Variants in UPP2 observed in about 807,000 individuals in gnomAD.
UPP2 encodes the protein UPase 2.
Under a neutral mutation model 26.7 loss-of-function variants are expected in UPP2, and 23 were observed. The ratio of observed to expected loss-of-function variants is 0.86; its 90% confidence interval spans 0.62 to 1.22. The LOEUF is 1.22. Among genes scored for constraint, UPP2 ranks in the 50% most tolerant of loss-of-function variants. The pLI, the probability that UPP2 is intolerant of heterozygous loss-of-function variation, is 0.00. For synonymous variants in UPP2, 127 were observed against 141.3 expected (o/e 0.90, Z 0.72); for missense variants, 387 against 396.7 (o/e 0.98, Z 0.21).
At chr2:158,118,974 G>A (rs920836527) in intron 4 of UPP2, among the ~76,000 whole-genome samples, 1 of 151,982 alleles carries the variant, frequency 6.6e-6, no homozygotes, top group South Asian at 2.1e-4. Context: ...GACCTTTGTG[G>A]ATGTTCATCC....
intron 3 of UPP2, among the ~76,000 whole-genome samples, chr2:158,073,549 A>T (rs1167988381): frequency 6.6e-6 from 1 of 152,182 alleles, no homozygotes; most frequent in Non-Finnish European, 1.5e-5. Context: ...TTAATAATCA[A>T]ACTCCCAAAG....
intron 3 of UPP2, among the ~76,000 whole-genome samples, chr2:158,079,204 T>C (rs1682679655): frequency 6.6e-6 from 1 of 152,120 alleles, no homozygotes; most frequent in Non-Finnish European, 1.5e-5. Context: ...CCCAGTCTCA[T>C]GTATTTCTTC....
chr2:158,003,305 T>C (rs1480191345), intron 2 of UPP2, among the ~76,000 whole-genome samples: 1 of 152,150 alleles, frequency 6.6e-6, no homozygotes, highest in Non-Finnish European at 1.5e-5. Flanking sequence ...GGAACATTCC[T>C]GCCAGGGATA....
chr2:158,132,076 C>A (rs1367992197), intron 6 of UPP2, among the ~76,000 whole-genome samples: 13 of 152,214 alleles, frequency 8.5e-5, no homozygotes, highest in Admixed American at 8.5e-4. Context: ...CCATGTCAGG[C>A]TTCACAGATT....
chr2:158,121,909 A>T (rs917489950), intron 5 of UPP2, among the ~76,000 whole-genome samples: 2 of 151,996 alleles, frequency 1.3e-5, no homozygotes, highest in African/African-American at 4.8e-5. Context: ...TTTAACTTAA[A>T]TTAGCAGCTC....
chr2:158,088,246 A>T (rs1026190689), intron 3 of UPP2, among the ~76,000 whole-genome samples: 1 of 152,090 alleles, frequency 6.6e-6, no homozygotes, highest in Non-Finnish European at 1.5e-5. Context: ...CGAGCTCTGA[A>T]GTTCTTTATT....
intron 3 of UPP2, among the ~76,000 whole-genome samples, chr2:158,093,030 C>T (rs557262948): frequency 2.0e-3 from 304 of 152,156 alleles, no homozygotes; most frequent in African/African-American, 6.2e-3. Flanking sequence ...AAGTGATTCT[C>T]GTGCCTCAGC....
intron 3 of UPP2, among the ~76,000 whole-genome samples, chr2:158,023,242 T>C (rs1683783957): frequency 8.3e-6 from 1 of 119,860 alleles, no homozygotes; most frequent in Non-Finnish European, 1.8e-5. Context: ...GGGGGGGGCA[T>C]TTGGAAGGCT....
intron 3 of UPP2, among the ~76,000 whole-genome samples, chr2:158,037,234 G>T (rs533257797): frequency 5.3e-5 from 8 of 151,888 alleles, no homozygotes; most frequent in Admixed American, 1.3e-4. Flanking sequence ...AATTAGCTGG[G>T]TGTGGTGGCG....
Position 158,131,885 on chromosome 2 carries a change from C to A in UPP2, c.812-2863C>A, listed in dbSNP as rs115473652. Among the ~76,000 whole-genome samples, 1,057 of 152,332 alleles carry A rather than the reference C, an allele frequency of 6.9e-3. 7 individuals are homozygous for A. The highest frequency in any genetic ancestry group is 8.0e-3 in the Non-Finnish European group (546 of 68,030). On this transcript the variant is annotated intron_variant, in intron 6 of 6. Transcript: ENST00000005756. ...TGGATTCTCCAGGGTCAAGAAAACACCACTGAGATTGCTATAACCTGTTCT... is the reference window on the plus strand; with the variant it reads ...TGGATTCTCCAGGGTCAAGAAAACAACACTGAGATTGCTATAACCTGTTCT...
chr2:158,105,555 C>T (rs1683175059), intron 1 of UPP2, among the ~76,000 whole-genome samples: 1 of 152,172 alleles, frequency 6.6e-6, no homozygotes, highest in East Asian at 1.9e-4. Context: ...CATGAAGTGT[C>T]CGGCTGATTG....
At chr2:157,999,430 G>A (rs1683372274) in intron 2 of UPP2, among the ~76,000 whole-genome samples, 1 of 152,168 alleles carries the variant, frequency 6.6e-6, no homozygotes. Flanking sequence ...CACTCGCCTT[G>A]GCTTCCCAAA....
intron 3 of UPP2, among the ~76,000 whole-genome samples, chr2:158,027,395 T>C (rs1177151366): frequency 6.6e-6 from 1 of 152,152 alleles, no homozygotes; most frequent in African/African-American, 2.4e-5. Flanking sequence ...GGCAGTCAAA[T>C]TTTAAAGCGC....
At chr2:158,022,830 C>T (rs1683773666) in intron 3 of UPP2, among the ~76,000 whole-genome samples, 1 of 152,102 alleles carries the variant, frequency 6.6e-6, no homozygotes, top group African/African-American at 2.4e-5. Flanking sequence ...GTCATTCATT[C>T]AAGGAAACAT....
intron 3 of UPP2, among the ~76,000 whole-genome samples, chr2:158,060,937 G>GTGA (rs1406501275): frequency 4.6e-5 from 7 of 152,164 alleles, no homozygotes; most frequent in Non-Finnish European, 1.5e-5. Context: ...CCGGTCTATG[G>GTGA]CATTTTAGTA....
intron 3 of UPP2, among the ~76,000 whole-genome samples, chr2:158,074,207 G>T (rs1423795583): frequency 6.6e-6 from 1 of 151,992 alleles, no homozygotes; most frequent in Non-Finnish European, 1.5e-5. Context: ...AAACAGAAAA[G>T]AAAGAAAATA....
chr2:158,037,846 G>T (rs1558911057), intron 3 of UPP2, among the ~76,000 whole-genome samples: 1 of 150,744 alleles, frequency 6.6e-6, no homozygotes, highest in Non-Finnish European at 1.5e-5. Flanking sequence ...ATTTTTTGGG[G>T]GGTGGGGGGA....
intron 4 of UPP2, among the ~76,000 whole-genome samples, 183 bp downstream of exon 4, chr2:158,118,121 T>G (rs1353065992): frequency 2.0e-5 from 3 of 151,982 alleles, no homozygotes; most frequent in Non-Finnish European, 4.4e-5. Flanking sequence ...ATTCCTTTTT[T>G]CTTTATGGAA....
chr2:158,068,056 C>T (rs1055088904), intron 3 of UPP2, among the ~76,000 whole-genome samples: 1 of 151,828 alleles, frequency 6.6e-6, no homozygotes, highest in African/African-American at 2.4e-5. Flanking sequence ...TCTTTTTTCC[C>T]CCCTTGCCAA....
Sources: allele counts gnomAD v4.1 joint callset (sites outside exome capture counted in the v4.1 genomes callset), GRCh38; gene constraint gnomAD v4.1.1; transcripts MANE v1.5; gene names NCBI Gene and HGNC (gene_info 2026-07-23, HGNC 2026-07-21).